CRYZL1: variants seen among roughly 807,000 people sequenced by gnomAD.
The protein encoded by CRYZL1 is ferry endosomal RAB5 effector complex subunit 4.
In CRYZL1, 34 loss-of-function variants were observed where a neutral mutation model predicts 50.6. The observed-to-expected ratio is 0.67, with a 90% CI of 0.51 to 0.89. The LOEUF is 0.89. Ranked by LOEUF, CRYZL1 falls within the 40% of genes least tolerant of loss-of-function variation. The pLI is 0.00. For synonymous variants in CRYZL1, 125 were observed against 134.3 expected (o/e 0.93, Z 0.48); for missense variants, 354 against 402.3 (o/e 0.88, Z 1.03).
At chr21:33,601,591 A>T (rs2086757136) in intron 8 of CRYZL1, among the ~76,000 whole-genome samples, 1 of 151,176 alleles carries the variant, frequency 6.6e-6, no homozygotes, top group South Asian at 2.1e-4. Flanking sequence ...ATGTAAGTTT[A>T]AAAAAAAATA....
At chr21:33,611,588 G>C (rs979685810) in intron 6 of CRYZL1, among the ~76,000 whole-genome samples, 2 of 152,134 alleles carry the variant, frequency 1.3e-5, no homozygotes, top group Non-Finnish European at 2.9e-5. Flanking sequence ...TCCCCAAAAG[G>C]TCTGATTAGA....
chr21:33,597,154 G>T, intron 10 of CRYZL1, 126 bp downstream of exon 10: 1 of 919,186 alleles, frequency 1.1e-6, no homozygotes, highest in Non-Finnish European at 1.7e-6. Flanking sequence ...ATAGGTGTGA[G>T]CCACCATGCC....
chr21:33,612,249 T>G (rs914281807), intron 6 of CRYZL1, among the ~76,000 whole-genome samples: 1 of 152,152 alleles, frequency 6.6e-6, no homozygotes, highest in Non-Finnish European at 1.5e-5. Context: ...CATGAAAGGT[T>G]CCATCATTCC....
chr21:33,603,689 C>T, intron 6 of CRYZL1, 152 bp from the exon 7 acceptor site: 1 of 766,432 alleles, frequency 1.3e-6, no homozygotes. Context: ...CATTATTTGC[C>T]CATGAATAAT....
At chr21:33,636,822 C>T (rs2087211874) in intron 1 of CRYZL1, among the ~76,000 whole-genome samples, 2 of 152,034 alleles carry the variant, frequency 1.3e-5, no homozygotes, top group South Asian at 2.1e-4. Flanking sequence ...ATTCTTTTTT[C>T]TTTTTAGACA....
At chr21:33,601,759 T>C (rs556160834) in intron 8 of CRYZL1, among the ~76,000 whole-genome samples, 1 of 151,868 alleles carries the variant, frequency 6.6e-6, no homozygotes, top group South Asian at 2.1e-4. Flanking sequence ...CTACAAAAAA[T>C]ACAAAAAATT....
At chr21:33,589,980 G>A (rs375676572) in intron 12 of CRYZL1, 59 bp from the exon 13 acceptor site, 2 of 976,034 alleles carry the variant, frequency 2.0e-6, no homozygotes, top group Admixed American at 2.2e-5. Context: ...GAACAAACAG[G>A]GTGGTATATG....
chr21:33,589,878 A>C lies in CRYZL1; in HGVS notation c.994T>G (p.Ser332Ala), dbSNP rs1344482908. 1 of 1,612,886 alleles carries C rather than the reference A, an allele frequency of 6.2e-7. No individual in the cohort carries two copies. Residue 332 changes from serine (S) to alanine (A), a missense_variant, in exon 13 of 13, where the codon TCC becomes GCC. Transcript: ENST00000381554. ...TGATTTTTCTGAACAGCTTCCATGGAAACTTTTGCCTCATACAGTGGAATG... is the reference window on the plus strand; with the variant it reads ...TGATTTTTCTGAACAGCTTCCATGGCAACTTTTGCCTCATACAGTGGAATG... The part of the protein sequence containing the change: ...EPIPLYEAKV[S>A]MEAVQKNQGR...
intron 4 of CRYZL1, among the ~76,000 whole-genome samples, chr21:33,620,356 G>A (rs1182754451): frequency 2.4e-4 from 36 of 152,100 alleles, no homozygotes; most frequent in Admixed American, 2.2e-3. Context: ...TTACTGTTCT[G>A]TATGTAAAGA....
intron 4 of CRYZL1, among the ~76,000 whole-genome samples, chr21:33,619,925 G>C (rs2086974885): frequency 6.6e-6 from 1 of 152,036 alleles, no homozygotes; most frequent in African/African-American, 2.4e-5. Context: ...GTTTCTTCTG[G>C]CCAGGTTAAG....
At chr21:33,590,745 T>C (rs1394193446) in intron 12 of CRYZL1, among the ~76,000 whole-genome samples, 2 of 152,196 alleles carry the variant, frequency 1.3e-5, no homozygotes, top group African/African-American at 4.8e-5. Context: ...GATAAACATA[T>C]TCAACTTTAA....
At chr21:33,637,563 A>G in intron 1 of CRYZL1, among the ~76,000 whole-genome samples, 1 of 151,512 alleles carries the variant, frequency 6.6e-6, no homozygotes. Flanking sequence ...CATTCAACTC[A>G]TCTATTCCCC....
At chr21:33,597,992 A>G (rs1263771960) in intron 9 of CRYZL1, among the ~76,000 whole-genome samples, 1 of 152,218 alleles carries the variant, frequency 6.6e-6, no homozygotes, top group African/African-American at 2.4e-5. Flanking sequence ...ATACCTTAAA[A>G]TCTACTTTTT....
chr21:33,591,058 C>A, intron 12 of CRYZL1, 104 bp downstream of exon 12: 1 of 799,878 alleles, frequency 1.3e-6, no homozygotes, highest in Non-Finnish European at 2.2e-6. Context: ...AATATGGAGG[C>A]AACAGGTACA....
intron 2 of CRYZL1, among the ~76,000 whole-genome samples, chr21:33,628,565 A>T: frequency 6.8e-6 from 1 of 147,274 alleles, no homozygotes. Flanking sequence ...TTTATTTTTT[A>T]TAGCTATTAT....
At chr21:33,613,910 C>T (rs557610620) in intron 5 of CRYZL1, among the ~76,000 whole-genome samples, 25 of 152,270 alleles carry the variant, frequency 1.6e-4, no homozygotes, top group African/African-American at 5.5e-4. Flanking sequence ...TGGTGGCTCA[C>T]GCCTGTAATC....
intron 4 of CRYZL1, among the ~76,000 whole-genome samples, chr21:33,618,288 CAAAAAAAAAA>C (rs35810127): frequency 1.1e-5 from 1 of 91,282 alleles, no homozygotes; most frequent in Non-Finnish European, 2.1e-5. Context: ...GACTCCGTCT[CAAAAAAAAAA>C]AAAAAAAAAA....
chr21:33,602,808 G>A (rs185178824), intron 7 of CRYZL1, among the ~76,000 whole-genome samples: 1 of 152,326 alleles, frequency 6.6e-6, no homozygotes, highest in Non-Finnish European at 1.5e-5. Context: ...TGGATATCAG[G>A]CTGAAGCCAG....
intron 6 of CRYZL1, among the ~76,000 whole-genome samples, chr21:33,606,770 G>A (rs1220283322): frequency 6.6e-6 from 1 of 152,038 alleles, no homozygotes; most frequent in Non-Finnish European, 1.5e-5. Context: ...AGCACTATGG[G>A]AGGCCGAGAC....
Sources: allele counts gnomAD v4.1 joint callset (sites outside exome capture counted in the v4.1 genomes callset), GRCh38; gene constraint gnomAD v4.1.1; transcripts MANE v1.5; gene names NCBI Gene and HGNC (gene_info 2026-07-23, HGNC 2026-07-21).